PCSK5: variants seen among roughly 807,000 people sequenced by gnomAD.
PCSK5 encodes the protein proprotein convertase subtilisin/kexin type 5.
Under a neutral mutation model 233.2 loss-of-function variants are expected in PCSK5, and 129 were observed. That is an observed-to-expected ratio of 0.55 (90% CI 0.48 to 0.64). The LOEUF (loss-of-function observed/expected upper bound fraction) is 0.64. Among genes scored for constraint, PCSK5 ranks in the 30% least tolerant of loss-of-function variants. PCSK5 has a pLI of 0.00. For missense variants in PCSK5, 2,076 were observed against 2,430.1 expected, an observed-to-expected ratio of 0.85 and a Z score of 3.06; for synonymous variants, 825 against 879.2, an observed-to-expected ratio of 0.94 and a Z score of 1.09.
At chr9:76,288,085 G>A (rs1326243473) in intron 24 of PCSK5, 2 of 152,246 alleles carry the variant, frequency 1.3e-5, no homozygotes, top group Non-Finnish European at 2.9e-5. Flanking sequence ...TCACCATCTC[G>A]AGGGGGTCTT....
chr9:76,042,525 T>C (rs1242921468), intron 5 of PCSK5, among the ~76,000 whole-genome samples: 1 of 152,160 alleles, frequency 6.6e-6, no homozygotes, highest in Non-Finnish European at 1.5e-5. Context: ...CACATTGGCA[T>C]GTGCCTGTAA....
chr9:76,163,862 T>C (rs1029207047), intron 12 of PCSK5, among the ~76,000 whole-genome samples: 1 of 115,420 alleles, frequency 8.7e-6, no homozygotes, highest in Non-Finnish European at 1.9e-5. Context: ...AAGCTGTCTT[T>C]TTTTTTTTTT....
At chr9:75,919,458 T>G (rs766728467) in intron 1 of PCSK5, among the ~76,000 whole-genome samples, 17 of 152,290 alleles carry the variant, frequency 1.1e-4, no homozygotes, top group Non-Finnish European at 2.5e-4. Flanking sequence ...TAATTTTTCT[T>G]GAGGAATATA....
chr9:76,202,656 G>A (rs1298522205), intron 20 of PCSK5, among the ~76,000 whole-genome samples: 3 of 151,628 alleles, frequency 2.0e-5, no homozygotes, highest in Non-Finnish European at 4.4e-5. Context: ...CTCCTTTAAT[G>A]TTATCTCACC....
At chr9:76,239,753 C>G (rs532390917) in intron 23 of PCSK5, among the ~76,000 whole-genome samples, 2 of 150,998 alleles carry the variant, frequency 1.3e-5, no homozygotes, top group African/African-American at 4.9e-5. Flanking sequence ...ATGATCTTGG[C>G]GGGTGGGGGG....
intron 20 of PCSK5, among the ~76,000 whole-genome samples, chr9:76,201,508 A>G (rs1031459390): frequency 6.6e-6 from 1 of 152,232 alleles, no homozygotes; most frequent in African/African-American, 2.4e-5. Context: ...GGAGAAATAC[A>G]AGAGCCAAGG....
intron 21 of PCSK5, among the ~76,000 whole-genome samples, chr9:76,232,350 G>A (rs946549756): frequency 6.6e-6 from 1 of 152,200 alleles, no homozygotes; most frequent in Non-Finnish European, 1.5e-5. Flanking sequence ...TGTGCTCAGT[G>A]AACCTCACAA....
intron 20 of PCSK5, among the ~76,000 whole-genome samples, chr9:76,192,017 T>TGCAGAGA (rs1824409565): frequency 7.3e-6 from 1 of 136,512 alleles, no homozygotes. Flanking sequence ...AGGTGGAGGT[T>TGCAGAGA]GCAGAGAGCA....
At chr9:76,270,365 C>G (rs1379565317) in intron 24 of PCSK5, among the ~76,000 whole-genome samples, 1 of 152,134 alleles carries the variant, frequency 6.6e-6, no homozygotes, top group African/African-American at 2.4e-5. Context: ...TTTGCTGAAA[C>G]CTTCCCTTAT....
At chr9:76,219,984 G>T (rs960380066) in intron 20 of PCSK5, among the ~76,000 whole-genome samples, 1 of 152,136 alleles carries the variant, frequency 6.6e-6, no homozygotes, top group African/African-American at 2.4e-5. Flanking sequence ...ACAAATAGAG[G>T]AGACAGTTGG....
chr9:75,895,667 G>A (rs748225786), intron 1 of PCSK5, among the ~76,000 whole-genome samples: 10 of 152,132 alleles, frequency 6.6e-5, no homozygotes, highest in East Asian at 1.9e-4. Flanking sequence ...AGCATACTGC[G>A]GATGGACAAA....
intron 15 of PCSK5, among the ~76,000 whole-genome samples, chr9:76,180,325 A>G (rs1216755463): frequency 6.6e-6 from 1 of 152,024 alleles, no homozygotes; most frequent in African/African-American, 2.4e-5. Flanking sequence ...CACAAGTTTC[A>G]TGTCCTTTCC....
At chr9:75,927,842 T>G (rs1453831700) in intron 1 of PCSK5, among the ~76,000 whole-genome samples, 1 of 152,206 alleles carries the variant, frequency 6.6e-6, no homozygotes, top group East Asian at 1.9e-4. Flanking sequence ...CTCTGTGAAC[T>G]CATTTATTTG....
Position 75,943,050 on chromosome 9 carries a change from A to C in PCSK5, c.297+10567A>C, listed in dbSNP as rs916339290. Among the ~76,000 whole-genome samples the C allele has an allele frequency of 2.0e-5, 3 of 151,814 alleles. No homozygotes were observed. The East Asian group carries it at 5.8e-4, about 29-fold the overall frequency. ...CAGGCGCTCGCCACCACACCTGGCT[A>C]ATTTTTGTATTTTTAGTAGAGACGG... On this transcript the variant is annotated intron_variant, in intron 2 of 37. Transcript: ENST00000674117.
intron 2 of PCSK5, among the ~76,000 whole-genome samples, chr9:75,965,261 A>ATGTGTGTGTG (rs71372035): frequency 4.5e-4 from 67 of 149,808 alleles, no homozygotes; most frequent in Admixed American, 1.9e-3. Context: ...ATGTGTGTAT[A>ATGTGTGTGTG]TGTGTGTGTG....
intron 20 of PCSK5, chr9:76,209,427 T>C (rs1825244843): frequency 2.1e-6 from 1 of 477,442 alleles, no homozygotes; most frequent in Admixed American, 2.2e-5. Context: ...TCTCCTGTGT[T>C]ATGATGTAAA....
At chr9:75,937,099 C>T (rs1458680174) in intron 2 of PCSK5, among the ~76,000 whole-genome samples, 1 of 151,698 alleles carries the variant, frequency 6.6e-6, no homozygotes, top group Non-Finnish European at 1.5e-5. Flanking sequence ...ATTCAGTAAA[C>T]TATGCTGTAA....
At chr9:76,153,988 G>C (rs925276554) in intron 10 of PCSK5, among the ~76,000 whole-genome samples, 5 of 152,118 alleles carry the variant, frequency 3.3e-5, no homozygotes, top group Non-Finnish European at 7.4e-5. Context: ...GTCATTTTGA[G>C]TATGAAAATT....
intron 2 of PCSK5, among the ~76,000 whole-genome samples, chr9:75,977,478 G>A (rs545434059): frequency 7.8e-4 from 114 of 145,964 alleles, no homozygotes; most frequent in Non-Finnish European, 1.4e-3. Flanking sequence ...TGTCTTTTTT[G>A]CTTCTGAGAT....
Sources: gnomAD v4.1 joint callset for allele counts (sites outside exome capture counted in the v4.1 genomes callset) on GRCh38, gnomAD v4.1.1 for gene constraint, MANE v1.5 for transcripts, NCBI Gene and HGNC (gene_info 2026-07-23, HGNC 2026-07-21) for gene names.